The following ZNF140 variants were observed in gnomAD, a reference collection of about 807,000 sequenced individuals.
ZNF140 encodes zinc finger protein 140.
ZNF140 carries 13 observed loss-of-function variants against 12.9 expected under a neutral mutation model. That is an observed-to-expected ratio of 1.01 (90% CI 0.66 to 1.60). ZNF140 has a LOEUF of 1.60. ZNF140 is among the 40% of genes most tolerant of loss of function. The probability of loss-of-function intolerance (pLI) is 0.00; values close to 1 mark genes in which losing one functional copy is unlikely to be tolerated. For synonymous variants in ZNF140, 214 were observed against 186.7 expected, an observed-to-expected ratio of 1.15 and a Z score of -1.19; for missense variants, 531 against 548.8, an observed-to-expected ratio of 0.97 and a Z score of 0.32.
intron 4 of ZNF140, among the ~76,000 whole-genome samples, chr12:133,101,432 C>T (rs1211289122): frequency 3.9e-5 from 6 of 152,076 alleles, no homozygotes; most frequent in East Asian, 3.9e-4. Context: ...CCATTGAAGG[C>T]ATTCTTTATT....
At chr12:133,092,228 T>C (rs1410747532) in intron 4 of ZNF140, among the ~76,000 whole-genome samples, 3 of 151,008 alleles carry the variant, frequency 2.0e-5, no homozygotes, top group African/African-American at 7.4e-5. Flanking sequence ...TAGAACTCCT[T>C]TTAATACTTC....
At chr12:133,100,179 T>TTG in intron 4 of ZNF140, among the ~76,000 whole-genome samples, 1 of 142,804 alleles carries the variant, frequency 7.0e-6, no homozygotes, top group African/African-American at 2.6e-5. Flanking sequence ...TTTTTTTTTT[T>TTG]TTTTTTTTGG....
intron 4 of ZNF140, 96 bp downstream of exon 4, chr12:133,083,657 C>T (rs975889573): frequency 3.2e-6 from 4 of 1,233,766 alleles, no homozygotes; most frequent in Admixed American, 2.2e-5. Flanking sequence ...GGAAAATTTT[C>T]CCTTAAAGAT....
In ZNF140 at chr12:133,106,004, A is replaced by T. The variant is rs1259683879; in HGVS notation, c.727A>T (p.Lys243Ter). The T allele has an allele frequency of 6.2e-7, 1 of 1,614,162 alleles. No homozygotes were observed. The highest frequency in any genetic ancestry group is 1.7e-5 in the Admixed American group (1 of 60,018). ...ACACCAGAGAACGCACACTGGGGAG[A>T]AACCTTATGAATGTACTGAGTGTGG... ...IEHQRTHTGE[K>*]PYECTECGKA... is the part of the protein sequence containing the mutation. Residue 243 changes from lysine to a stop codon, truncating the protein, a stop_gained, in exon 5 of 5, where the codon AAA becomes TAA. Coordinates refer to ENST00000355557, the MANE Select transcript of ZNF140 (RefSeq NM_003440.4). LOFTEE classifies it low-confidence loss of function (END_TRUNC).
chr12:133,093,662 ATGT>A (rs1954973272), intron 4 of ZNF140, among the ~76,000 whole-genome samples: 1 of 151,308 alleles, frequency 6.6e-6, no homozygotes, highest in South Asian at 2.1e-4. Flanking sequence ...TACCAGTAAA[ATGT>A]TGTTCTGCAG....
chr12:133,105,377 C>G, intron 4 of ZNF140, 133 bp from the exon 5 acceptor site: 1 of 866,218 alleles, frequency 1.2e-6, no homozygotes, highest in South Asian at 1.9e-5. Flanking sequence ...ACTCAGATTT[C>G]AGTCACAGCT....
rs947996669 is a variant in ZNF140 at position 133,099,351 on chromosome 12, A to G, written c.233-6159A>G. Among the ~76,000 whole-genome samples the G allele has an allele frequency of 1.7e-3, 261 of 151,434 alleles. 1 individual carries two copies. The highest frequency in any genetic ancestry group is 4.1e-3 in the Admixed American group (62 of 15,188). The stretch of plus-strand genomic sequence containing the variant: ...ACCACCACGTCCGGCTAATTTTTGT[A>G]TTTTTAGTAGAGACGGGGTTTCACC... On this transcript the variant is annotated intron_variant, in intron 4 of 4. Transcript: ENST00000355557.
intron 4 of ZNF140, among the ~76,000 whole-genome samples, chr12:133,093,805 T>C (rs1954977468): frequency 1.3e-5 from 2 of 150,944 alleles, no homozygotes; most frequent in Non-Finnish European, 2.9e-5. Context: ...TCTTCCTCTC[T>C]CTCTCTCTCA....
At position 133,081,145 on chromosome 12, in the gene ZNF140, C is replaced by G. The variant is rs990872990; in HGVS notation, c.-49+73C>G. 3 of 309,856 alleles carry G rather than the reference C, an allele frequency of 9.7e-6. No individual in the cohort carries two copies. The Admixed American group carries it at 1.1e-4, about 12-fold the overall frequency. The allele number at this position is 309,856 out of a possible 1,614,324, so 19.2% of individuals were successfully genotyped here. ...CGCCAGTGGTCCAAGCGCGATCTCT[C>G]AGGGCGCCCTGCTCTCTACGTGGGA... On this transcript the variant is annotated intron_variant, in intron 1 of 4. Transcript: ENST00000355557.
At chr12:133,100,060 C>T (rs1221657269) in intron 4 of ZNF140, among the ~76,000 whole-genome samples, 2 of 151,366 alleles carry the variant, frequency 1.3e-5, no homozygotes, top group African/African-American at 2.4e-5. Flanking sequence ...CCACAACCTC[C>T]GATGGATGCC....
chr12:133,092,343 C>T (rs1954924077), intron 4 of ZNF140, among the ~76,000 whole-genome samples: 1 of 151,126 alleles, frequency 6.6e-6, no homozygotes, highest in Non-Finnish European at 1.5e-5. Context: ...TGCTGCCAAT[C>T]AAAAGTTGAA....
At chr12:133,086,649 A>G (rs1206101552) in intron 4 of ZNF140, among the ~76,000 whole-genome samples, 1 of 152,160 alleles carries the variant, frequency 6.6e-6, no homozygotes, top group Non-Finnish European at 1.5e-5. Flanking sequence ...ATTTTAGTGT[A>G]GTCAGATGTA....
intron 4 of ZNF140, among the ~76,000 whole-genome samples, chr12:133,088,681 T>C (rs955145314): frequency 2.6e-5 from 4 of 152,234 alleles, no homozygotes; most frequent in African/African-American, 9.6e-5. Flanking sequence ...ACTGCCAAAA[T>C]GTCTTCCAAA....
chr12:133,105,603 G>C lies in ZNF140; in HGVS notation c.326G>C (p.Ser109Thr). ...TATTTGATCATGGAAAGAATTCTAA[G>C]TCAAGGCCCTGTGTATTCCAGTTTT... ...SQYLIMERIL[S>T]QGPVYSSFKG... Residue 109 changes from serine (S) to threonine (T), a missense_variant, in exon 5 of 5, where the codon AGT becomes ACT. Coordinates refer to ENST00000355557, the MANE Select transcript of ZNF140 (RefSeq NM_003440.4). 1.2e-6 allele frequency: 2 copies of C among 1,614,102 alleles called. No homozygotes were observed. Among genetic ancestry groups the C allele is most frequent in the Non-Finnish European group, 1.7e-6 (2 of 1,180,020 alleles).
rs2137600069 is a variant in ZNF140 at position 133,106,822 on chromosome 12, G to A, written c.*171G>A. On this transcript the variant is annotated 3_prime_UTR_variant, in exon 5 of 5. Coordinates refer to ENST00000355557, the MANE Select transcript of ZNF140 (RefSeq NM_003440.4). ...GAGAAAAAAAAACCCAGGAATATGTGGAAAAGCCATTAATAACCACTCTTT... is the reference window on the plus strand; with the variant it reads ...GAGAAAAAAAAACCCAGGAATATGTAGAAAAGCCATTAATAACCACTCTTT... 1 of 515,890 alleles carries A rather than the reference G, an allele frequency of 1.9e-6. No individual in the cohort carries two copies. The highest frequency in any genetic ancestry group is 3.2e-6 in the Non-Finnish European group (1 of 312,302). 32.0% of individuals were successfully genotyped at this position (515,890 alleles called of 1,614,324 possible).
intron 1 of ZNF140, 51 bp from the exon 2 acceptor site, chr12:133,081,222 G>GGC (rs1294353353): frequency 6.5e-6 from 6 of 928,200 alleles, no homozygotes; most frequent in Non-Finnish European, 1.0e-5. Flanking sequence ...TAGTGACTTG[G>GGC]GCGCGGCCTA....
chr12:133,095,827 T>C (rs1012601328), intron 4 of ZNF140, among the ~76,000 whole-genome samples: 8 of 152,106 alleles, frequency 5.3e-5, no homozygotes, highest in South Asian at 2.1e-4. Context: ...CACCCAAACA[T>C]CTCAGCGGAG....
intron 4 of ZNF140, chr12:133,101,008 TAC>T (rs1256693727): frequency 6.6e-6 from 3 of 454,996 alleles, no homozygotes; most frequent in South Asian, 1.6e-5. Flanking sequence ...GGTGAAAAAC[TAC>T]AGAGGAGAGG....
chr12:133,102,238 C>T (rs1280112162), intron 4 of ZNF140, among the ~76,000 whole-genome samples: 4 of 152,112 alleles, frequency 2.6e-5, no homozygotes, highest in African/African-American at 7.2e-5. Context: ...GTAGTGACTT[C>T]TAAGATCCTT....
Sources: gnomAD v4.1 joint callset for allele counts (sites outside exome capture counted in the v4.1 genomes callset) on GRCh38, gnomAD v4.1.1 for gene constraint, MANE v1.5 for transcripts, NCBI Gene and HGNC (gene_info 2026-07-23, HGNC 2026-07-21) for gene names.